Variants in ATP10B observed in about 807,000 individuals in gnomAD.
ATP10B encodes ATPase phospholipid transporting 10B (putative).
In ATP10B, 122 loss-of-function variants were observed where a neutral mutation model predicts 141.2. The observed-to-expected ratio is 0.86, with a 90% confidence interval of 0.75 to 1.00. The LOEUF (loss-of-function observed/expected upper bound fraction) is 1.00, where lower values mean the gene tolerates loss of function less well. Among genes scored for constraint, ATP10B ranks in the 50% least tolerant of loss-of-function variants. The probability of loss-of-function intolerance (pLI) is 0.00; values close to 1 mark genes in which losing one functional copy is unlikely to be tolerated. For missense variants in ATP10B, 1,876 were observed against 1,825.3 expected, an observed-to-expected ratio of 1.03 and a Z score of -0.51; for synonymous variants, 685 against 692.0, an observed-to-expected ratio of 0.99 and a Z score of 0.16.
At chr5:160,638,514 C>T (rs1232252551) in intron 10 of ATP10B, among the ~76,000 whole-genome samples, 1 of 152,078 alleles carries the variant, frequency 6.6e-6, no homozygotes, top group Non-Finnish European at 1.5e-5. Context: ...TGTTTCCCTG[C>T]TTCCCCTCCC....
intron 2 of ATP10B, among the ~76,000 whole-genome samples, chr5:160,729,652 C>T (rs901785487): frequency 5.9e-5 from 9 of 152,066 alleles, no homozygotes; most frequent in African/African-American, 1.9e-4. Context: ...TTATTGGACT[C>T]GAAACATGAA....
At chr5:160,749,932 G>A (rs188344946) in intron 2 of ATP10B, among the ~76,000 whole-genome samples, 99 of 152,298 alleles carry the variant, frequency 6.5e-4, no homozygotes, top group Non-Finnish European at 6.9e-4. Flanking sequence ...GAGCCCGAAT[G>A]AGAATGTTGA....
intron 13 of ATP10B, among the ~76,000 whole-genome samples, chr5:160,629,797 A>G (rs940617343): frequency 1.3e-5 from 2 of 152,224 alleles, no homozygotes; most frequent in African/African-American, 4.8e-5. Flanking sequence ...GAGCTAGTAC[A>G]TGGGGTAGCT....
At chr5:160,650,232 A>C (rs1760631815) in intron 7 of ATP10B, among the ~76,000 whole-genome samples, 1 of 151,976 alleles carries the variant, frequency 6.6e-6, no homozygotes, top group African/African-American at 2.4e-5. Context: ...ACACACATAT[A>C]TATATCTCCA....
At chr5:160,856,012 A>T (rs1019517912), upstream of ATP10B, among the ~76,000 whole-genome samples, 14 of 151,726 alleles carry the variant, frequency 9.2e-5, no homozygotes, top group Admixed American at 7.9e-4. Flanking sequence ...AGGTAGATAG[A>T]TTCCTTCCAC....
chr5:160,878,371 C>CA, the ATP10B span, among the ~76,000 whole-genome samples: 5 of 151,600 alleles, frequency 3.3e-5, no homozygotes, highest in African/African-American at 1.2e-4. Context: ...ACACCTTATA[C>CA]AAAAATCAAT....
At chr5:160,614,757 C>T (rs2127641076) in intron 17 of ATP10B, among the ~76,000 whole-genome samples, 1 of 152,322 alleles carries the variant, frequency 6.6e-6, no homozygotes, top group African/African-American at 2.4e-5. Context: ...CCCCTTGGAA[C>T]TCCTATTTGG....
intron 7 of ATP10B, among the ~76,000 whole-genome samples, chr5:160,655,542 T>C (rs1479632150): frequency 6.6e-6 from 1 of 152,106 alleles, no homozygotes; most frequent in Non-Finnish European, 1.5e-5. Context: ...GAGGGTGATA[T>C]TAGAAGTGTG....
chr5:160,902,780 T>G, the ATP10B span, among the ~76,000 whole-genome samples: 5 of 152,226 alleles, frequency 3.3e-5, no homozygotes, highest in East Asian at 7.7e-4. Flanking sequence ...AAGTGACTGA[T>G]TAATAATTTC....
intron 1 of ATP10B, among the ~76,000 whole-genome samples, chr5:160,844,094 A>G (rs1369339277): frequency 1.3e-5 from 2 of 152,178 alleles, no homozygotes; most frequent in Non-Finnish European, 1.5e-5. Context: ...ATACTCTCCA[A>G]CAACCATGGT....
At chr5:160,758,631 G>T (rs1768806973) in intron 2 of ATP10B, among the ~76,000 whole-genome samples, 1 of 152,124 alleles carries the variant, frequency 6.6e-6, no homozygotes, top group South Asian at 2.1e-4. Flanking sequence ...ACAGATGTAG[G>T]CAGCCAGGCC....
chr5:160,619,590 G>A (rs186951324), intron 15 of ATP10B, among the ~76,000 whole-genome samples: 19 of 152,228 alleles, frequency 1.2e-4, no homozygotes, highest in Non-Finnish European at 2.4e-4. Flanking sequence ...GGAGGCACAG[G>A]GCTGCCTGGG....
the ATP10B span, among the ~76,000 whole-genome samples, chr5:160,920,407 C>T: frequency 2.0e-5 from 3 of 152,204 alleles, no homozygotes; most frequent in Non-Finnish European, 2.9e-5. Flanking sequence ...GCATCTTTCC[C>T]ACCAAGCTTA....
intron 25 of ATP10B, among the ~76,000 whole-genome samples, chr5:160,566,836 C>A (rs1421010701): frequency 7.9e-5 from 12 of 152,180 alleles, no homozygotes; most frequent in African/African-American, 2.9e-4. Flanking sequence ...CATCTAAGGT[C>A]ATTCCCAAAG....
intron 7 of ATP10B, among the ~76,000 whole-genome samples, chr5:160,661,887 AT>A (rs770346203): frequency 6.6e-6 from 1 of 152,226 alleles, no homozygotes; most frequent in Non-Finnish European, 1.5e-5. Flanking sequence ...ATGATTGTAT[AT>A]CTAGAAAGCC....
At chr5:160,696,946 C>T (rs939230518) in intron 3 of ATP10B, among the ~76,000 whole-genome samples, 9 of 151,996 alleles carry the variant, frequency 5.9e-5, no homozygotes, top group East Asian at 5.8e-4. Context: ...CTGATTTTAC[C>T]GAAACCCATT....
At chr5:160,652,919 ATAATATAT>A (rs1760944217) in intron 7 of ATP10B, among the ~76,000 whole-genome samples, 1 of 81,518 alleles carries the variant, frequency 1.2e-5, no homozygotes, top group Non-Finnish European at 2.1e-5. Context: ...ACATGTATAT[ATAATATAT>A]TATATATACA....
chr5:160,687,964 T>C lies in ATP10B; in HGVS notation c.111A>G (p.Arg37=). 1 of 1,614,116 alleles carries C rather than the reference T, an allele frequency of 6.2e-7. No homozygotes were observed. Among genetic ancestry groups the C allele is most frequent in the Non-Finnish European group, 8.5e-7 (1 of 1,180,026 alleles). The change falls in exon 5 of 26, where the codon AGA becomes AGG. Residue 37 remains arginine (R), a synonymous_variant. Coordinates refer to ENST00000327245, the MANE Select transcript of ATP10B (RefSeq NM_025153.3). ...GCTGCTGTGTCAAGTTGTAGCTCTG[T>C]CTCCCTTTCTCTGGAGAGAGCAGCG... ...TTPLLSPEKG[R]QSYNLTQQRV...
chr5:160,734,206 C>T (rs1243657004), intron 2 of ATP10B, among the ~76,000 whole-genome samples: 2 of 151,338 alleles, frequency 1.3e-5, no homozygotes. Context: ...ATCAGACCTG[C>T]ACTACAAGAA....
Sources: gnomAD v4.1 joint callset for allele counts (sites outside exome capture counted in the v4.1 genomes callset) on GRCh38, gnomAD v4.1.1 for gene constraint, MANE v1.5 for transcripts, NCBI Gene and HGNC (gene_info 2026-07-23, HGNC 2026-07-21) for gene names.